The following SVOPL variants were observed in gnomAD, a reference collection of about 807,000 sequenced individuals.
The protein encoded by SVOPL is putative transporter SVOPL.
A neutral mutation model predicts 61.0 loss-of-function variants in SVOPL; 60 were observed. The observed-to-expected ratio is 0.98, with a 90% CI of 0.80 to 1.22. The LOEUF is 1.22. SVOPL is among the 50% of genes most tolerant of loss of function. The pLI is 0.00. For missense variants in SVOPL, 662 were observed against 643.9 expected (o/e 1.03, Z -0.30); for synonymous variants, 279 against 250.0 (o/e 1.12, Z -1.09).
rs1303727244 is a variant in SVOPL, at chr7:138,626,052, T to C, written c.1182-2A>G. On this transcript the variant is annotated splice_acceptor_variant, in intron 12 of 15. Coordinates refer to ENST00000674285, the MANE Select transcript of SVOPL (RefSeq NM_001139456.2). LOFTEE classifies it high-confidence loss of function. ...AAGAGGAAGCCAATCAGGCCGGCAC[T>C]AGAAAACAGGAAGCGGAGAGAAATT... is the stretch of plus-strand genomic sequence containing the variant. 9.3e-6 allele frequency: 15 copies of C among 1,613,874 alleles called. No individual in the cohort carries two copies. Among genetic ancestry groups the C allele is most frequent in the African/African-American group, 1.3e-5 (1 of 74,898 alleles).
At chr7:138,659,619 T>C (rs1801911801) in intron 6 of SVOPL, among the ~76,000 whole-genome samples, 1 of 152,054 alleles carries the variant, frequency 6.6e-6, no homozygotes, top group Non-Finnish European at 1.5e-5. Context: ...ATGTGTTATG[T>C]CTCCCTAAAA....
intron 1 of SVOPL, among the ~76,000 whole-genome samples, chr7:138,694,721 C>T (rs993016226): frequency 2.6e-5 from 4 of 152,076 alleles, no homozygotes; most frequent in African/African-American, 4.8e-5. Context: ...ATATAATGAT[C>T]CCAATTTATA....
At chr7:138,605,640 CAA>C (rs1159063438) in intron 14 of SVOPL, among the ~76,000 whole-genome samples, 43 of 84,228 alleles carry the variant, frequency 5.1e-4, no homozygotes, top group East Asian at 1.0e-3. Context: ...CTAACCTGGG[CAA>C]AAAAAAAAAA....
chr7:138,695,846 T>G (rs1458562171), intron 1 of SVOPL, among the ~76,000 whole-genome samples: 1 of 152,112 alleles, frequency 6.6e-6, no homozygotes, highest in East Asian at 1.9e-4. Context: ...TACAGTGGCG[T>G]GATCTCGGCT....
rs1199473993 is a variant in SVOPL, at chr7:138,599,151, A to C, written c.1354-2621T>G. ...AGTGAGATCCGTCTCCAAAAAAAAA[A>C]AAAAAACCAAAAAAAAAAGAAATAC... On this transcript the variant is annotated intron_variant, in intron 14 of 15. Transcript: ENST00000674285. Among the ~76,000 whole-genome samples the C allele has an allele frequency of 4.5e-3, 270 of 59,964 alleles. 3 individuals are homozygous for C. Among genetic ancestry groups the C allele is most frequent in the African/African-American group, 0.043 (262 of 6,034 alleles). The allele number at this position is 59,964 out of a possible 152,430, so 39.3% of individuals were successfully genotyped here.
chr7:138,626,898 T>C lies in SVOPL; in HGVS notation c.1181+452A>G, dbSNP rs77343475. 8.6e-3 allele frequency among the ~76,000 whole-genome samples: 1,300 copies of C among 150,824 alleles called. 18 individuals carry two copies. The highest frequency in any genetic ancestry group is 0.03 in the African/African-American group (1,244 of 41,096). On this transcript the variant is annotated intron_variant, in intron 12 of 15. Coordinates refer to ENST00000674285, the MANE Select transcript of SVOPL (RefSeq NM_001139456.2). ...CCTGCTGCTACCATCCCCTGGAAAA[T>C]AGTGCAGAGAGCTTGTAGAACAAAT...
At chr7:138,595,243 TTATAAACATTTC>T (rs1798232213) in intron 15 of SVOPL, among the ~76,000 whole-genome samples, 1 of 152,202 alleles carries the variant, frequency 6.6e-6, no homozygotes, top group African/African-American at 2.4e-5. Context: ...TGCCATGTTC[TTATAAACATTTC>T]TAGAAGCTGT....
At chr7:138,623,215 A>T (rs1394631967) in intron 13 of SVOPL, among the ~76,000 whole-genome samples, 1 of 152,210 alleles carries the variant, frequency 6.6e-6, no homozygotes, top group Non-Finnish European at 1.5e-5. Flanking sequence ...AATACTGATA[A>T]AGTCTTTTTT....
chr7:138,637,427 C>CATATAT lies in SVOPL; in HGVS notation c.789+7284_789+7289dup, dbSNP rs377328822. Among the ~76,000 whole-genome samples the CATATAT allele has an allele frequency of 1.0e-3, 72 of 71,410 alleles. 2 individuals are homozygous for CATATAT. The highest frequency in any genetic ancestry group is 1.7e-3 in the African/African-American group (29 of 17,042). 46.8% of individuals were successfully genotyped at this position (71,410 alleles called of 152,430 possible). A position where few individuals can be genotyped will look rare whatever the true frequency, so the allele number is the denominator to read the frequency against. On this transcript the variant is annotated intron_variant, in intron 9 of 15. Coordinates refer to ENST00000674285, the MANE Select transcript of SVOPL (RefSeq NM_001139456.2). Reference sequence around the variant, plus strand: ...TAGGTGACAGAGCAAGACTCCATCTCATATATATATATATAGATAGATAGA... The same window carrying CATATAT: ...TAGGTGACAGAGCAAGACTCCATCTCATATATATATATATATATATAGATAGATAGA...
intron 9 of SVOPL, among the ~76,000 whole-genome samples, chr7:138,640,699 T>C (rs1347853191): frequency 1.3e-5 from 2 of 152,108 alleles, no homozygotes; most frequent in African/African-American, 4.8e-5. Context: ...CACCTTTAAG[T>C]GGGAGCTCAA....
intron 7 of SVOPL, among the ~76,000 whole-genome samples, chr7:138,649,575 G>A (rs1180128688): frequency 6.6e-6 from 1 of 152,144 alleles, no homozygotes; most frequent in Non-Finnish European, 1.5e-5. Context: ...GGGATTACAG[G>A]TGTGAGCCGC....
At chr7:138,700,715 T>TGGATGGCA (rs373341155) in intron 1 of SVOPL, among the ~76,000 whole-genome samples, 12,768 of 150,802 alleles carry the variant, frequency 0.085, 649 homozygotes, top group African/African-American at 0.14. Context: ...GATGGATGGA[T>TGGATGGCA]GGCAGATGGA....
At chr7:138,653,471 C>T (rs1162562188) in intron 7 of SVOPL, among the ~76,000 whole-genome samples, 3 of 152,138 alleles carry the variant, frequency 2.0e-5, no homozygotes, top group East Asian at 1.9e-4. Context: ...CAATGATCAT[C>T]GACCATTCTG....
At chr7:138,642,755 A>T (rs1157159992) in intron 9 of SVOPL, among the ~76,000 whole-genome samples, 3 of 150,478 alleles carry the variant, frequency 2.0e-5, no homozygotes, top group African/African-American at 7.4e-5. Flanking sequence ...ACTTGAACCC[A>T]GGAGGCAGAG....
At chr7:138,663,175 T>C (rs1245496499) in intron 4 of SVOPL, 30 bp from the exon 5 acceptor site, 2 of 1,605,502 alleles carry the variant, frequency 1.2e-6, no homozygotes, top group Non-Finnish European at 1.7e-6. Context: ...AAAACGGTTC[T>C]CTAAGCAGGT....
At chr7:138,601,697 CAT>C (rs1798533064) in intron 14 of SVOPL, among the ~76,000 whole-genome samples, 1 of 152,040 alleles carries the variant, frequency 6.6e-6, no homozygotes, top group African/African-American at 2.4e-5. Flanking sequence ...AAATATAAAA[CAT>C]AATTTGATAA....
intron 9 of SVOPL, among the ~76,000 whole-genome samples, chr7:138,638,674 G>A (rs1053747674): frequency 1.3e-5 from 2 of 151,776 alleles, no homozygotes; most frequent in African/African-American, 4.8e-5. Flanking sequence ...AGAATTTAAG[G>A]TCCAAAGCCA....
At chr7:138,614,676 G>A (rs1257636774) in intron 14 of SVOPL, among the ~76,000 whole-genome samples, 1 of 152,178 alleles carries the variant, frequency 6.6e-6, no homozygotes, top group Non-Finnish European at 1.5e-5. Flanking sequence ...GATTACAGGT[G>A]TGGACCACCA....
intron 1 of SVOPL, among the ~76,000 whole-genome samples, chr7:138,685,801 G>A (rs939218136): frequency 1.3e-5 from 2 of 151,862 alleles, no homozygotes; most frequent in African/African-American, 4.8e-5. Context: ...AAACCCAGGA[G>A]GCAGAAGTTG....
Sources: allele counts gnomAD v4.1 joint callset (sites outside exome capture counted in the v4.1 genomes callset), GRCh38; gene constraint gnomAD v4.1.1; transcripts MANE v1.5; gene names NCBI Gene and HGNC (gene_info 2026-07-23, HGNC 2026-07-21).